The following SGCD variants were observed in gnomAD, a reference collection of about 807,000 sequenced individuals.
The protein encoded by SGCD is sarcoglycan delta.
In SGCD, 18 loss-of-function variants were observed where a neutral mutation model predicts 36.6. The ratio of observed to expected loss-of-function variants is 0.49; its 90% CI spans 0.34 to 0.73. The LOEUF is 0.73. SGCD is among the 30% of genes least tolerant of loss of function. The pLI, the probability that SGCD is intolerant of heterozygous loss-of-function variation, is 0.01. For synonymous variants in SGCD, 133 were observed against 130.6 expected (o/e 1.02, Z -0.12); for missense variants, 387 against 346.7 (o/e 1.12, Z -0.92).
At chr5:155,949,447 T>G (rs919031871) in intron 1 of SGCD, among the ~76,000 whole-genome samples, 1 of 152,206 alleles carries the variant, frequency 6.6e-6, no homozygotes, top group Non-Finnish European at 1.5e-5. Context: ...GGCATTATAG[T>G]GTTCCCTGTT....
chr5:156,156,358 G>T (rs983954258), intron 3 of SGCD, among the ~76,000 whole-genome samples: 1 of 151,714 alleles, frequency 6.6e-6, no homozygotes, highest in South Asian at 2.1e-4. Flanking sequence ...GCTGGGCACG[G>T]TGGCTCACAC....
chr5:155,913,447 TGGAACCTTTTAG>T (rs958613268), intron 1 of SGCD, among the ~76,000 whole-genome samples: 70 of 151,784 alleles, frequency 4.6e-4, no homozygotes, highest in East Asian at 1.2e-3. Flanking sequence ...AAGCCTCCTT[TGGAACCTTTTAG>T]GGAACCTTTT....
At chr5:156,137,584 A>G (rs973992967) in intron 3 of SGCD, among the ~76,000 whole-genome samples, 1 of 152,086 alleles carries the variant, frequency 6.6e-6, no homozygotes, top group East Asian at 1.9e-4. Context: ...TGTGTTTAGC[A>G]TTATACTAGA....
the SGCD span, among the ~76,000 whole-genome samples, chr5:155,779,140 G>A: frequency 6.6e-6 from 1 of 152,126 alleles, no homozygotes; most frequent in Admixed American, 6.6e-5. Flanking sequence ...CAAAACTTGA[G>A]CACTGGTTCC....
At chr5:155,968,805 A>G (rs768569088) in intron 1 of SGCD, among the ~76,000 whole-genome samples, 1 of 152,120 alleles carries the variant, frequency 6.6e-6, no homozygotes, top group South Asian at 2.1e-4. Flanking sequence ...TCCCTGCTCT[A>G]TAAACACTAG....
chr5:156,013,910 G>T (rs1269466359), intron 1 of SGCD, among the ~76,000 whole-genome samples: 2 of 150,666 alleles, frequency 1.3e-5, no homozygotes, highest in Admixed American at 6.6e-5. Context: ...CTTCCACTTT[G>T]TGTCTTTGTG....
intron 1 of SGCD, among the ~76,000 whole-genome samples, chr5:156,011,713 C>T (rs902116379): frequency 1.3e-5 from 2 of 152,196 alleles, no homozygotes; most frequent in Admixed American, 6.5e-5. Flanking sequence ...GCTGGGATTA[C>T]AGGCGTGCGC....
chr5:156,728,197 G>A (rs1290421586), intron 7 of SGCD, among the ~76,000 whole-genome samples: 1 of 152,128 alleles, frequency 6.6e-6, no homozygotes, highest in African/African-American at 2.4e-5. Flanking sequence ...GAACAGGGAA[G>A]GAAGCAATCT....
At chr5:155,872,004 C>CA (rs1755665156) in intron 1 of SGCD, among the ~76,000 whole-genome samples, 1 of 152,154 alleles carries the variant, frequency 6.6e-6, no homozygotes, top group Non-Finnish European at 1.5e-5. Context: ...TAATGTGAGC[C>CA]AGGCAGTTGT....
chr5:156,350,859 T>G (rs1405032837), intron 3 of SGCD, among the ~76,000 whole-genome samples: 1 of 152,204 alleles, frequency 6.6e-6, no homozygotes, highest in Non-Finnish European at 1.5e-5. Context: ...ATATTGTTAT[T>G]CCCACTGAAA....
chr5:155,824,351 CAG>C, the SGCD span, among the ~76,000 whole-genome samples: 2 of 152,090 alleles, frequency 1.3e-5, no homozygotes, highest in Admixed American at 1.3e-4. Context: ...ATTAACAAAA[CAG>C]AATCTTGCAA....
chr5:156,386,952 C>T (rs1317313656), intron 3 of SGCD, among the ~76,000 whole-genome samples: 1 of 152,152 alleles, frequency 6.6e-6, no homozygotes, highest in East Asian at 1.9e-4. Flanking sequence ...GGAGAGTACA[C>T]ACCAGTTAAA....
chr5:156,198,332 T>A (rs1764067781), intron 3 of SGCD, among the ~76,000 whole-genome samples: 1 of 152,082 alleles, frequency 6.6e-6, no homozygotes, highest in Non-Finnish European at 1.5e-5. Context: ...ACATAGGAAA[T>A]AAAAATAATG....
chr5:156,197,408 G>A (rs1007229980), intron 3 of SGCD, among the ~76,000 whole-genome samples: 2 of 149,638 alleles, frequency 1.3e-5, no homozygotes, highest in African/African-American at 4.9e-5. Context: ...AAAAGCATAT[G>A]TTGAATTACT....
At chr5:156,044,079 T>C (rs1252254449) in intron 1 of SGCD, among the ~76,000 whole-genome samples, 2 of 152,190 alleles carry the variant, frequency 1.3e-5, no homozygotes, top group Non-Finnish European at 2.9e-5. Context: ...CCCTATGCTT[T>C]CAGAGGCAGG....
At position 156,508,581 on chromosome 5, in the gene SGCD, A is replaced by G. The variant is rs778298187; in HGVS notation, c.193-20A>G. 5 of 1,496,530 alleles carry G rather than the reference A, an allele frequency of 3.3e-6. No individual in the cohort carries two copies. In the Admixed American group the frequency reaches 5.0e-5, roughly 15 times the overall value. The allele number at this position is 1,496,530 out of a possible 1,614,324, so 92.7% of individuals were successfully genotyped here. On this transcript the variant is annotated intron_variant, in intron 3 of 8. Transcript: ENST00000337851. The stretch of plus-strand genomic sequence containing the variant: ...TTTGGCTAATCATATCTTCCTTGTT[A>G]TCTCTGTGTTCTATTTCAGGATGGA...
chr5:156,037,615 C>T (rs1386446585), intron 1 of SGCD, among the ~76,000 whole-genome samples: 1 of 152,130 alleles, frequency 6.6e-6, no homozygotes, highest in African/African-American at 2.4e-5. Context: ...GATTAGGTAG[C>T]TTGTTGATGG....
chr5:155,816,214 G>T, the SGCD span, among the ~76,000 whole-genome samples: 41 of 152,172 alleles, frequency 2.7e-4, no homozygotes, highest in African/African-American at 9.9e-4. Context: ...CAAGTTAGAG[G>T]TGCCAACCCC....
intron 3 of SGCD, among the ~76,000 whole-genome samples, chr5:156,365,642 A>G (rs1222075334): frequency 6.6e-6 from 1 of 152,160 alleles, no homozygotes; most frequent in African/African-American, 2.4e-5. Flanking sequence ...ACAGATATAC[A>G]CAGAAGTATT....
Sources: allele counts gnomAD v4.1 joint callset (sites outside exome capture counted in the v4.1 genomes callset), GRCh38; gene constraint gnomAD v4.1.1; transcripts MANE v1.5; gene names NCBI Gene and HGNC (gene_info 2026-07-23, HGNC 2026-07-21).